GOLM1: variants seen among roughly 807,000 people sequenced by gnomAD.
GOLM1 encodes epididymis luminal protein 46.
A neutral mutation model predicts 50.5 loss-of-function variants in GOLM1; 31 were observed. The observed-to-expected ratio is 0.61, with a 90% CI of 0.46 to 0.83. GOLM1 has a LOEUF of 0.83. Among genes scored for constraint, GOLM1 ranks in the 40% least tolerant of loss-of-function variants. The pLI is 0.00. For synonymous variants in GOLM1, 178 were observed against 192.8 expected, an observed-to-expected ratio of 0.92 and a Z score of 0.64; for missense variants, 491 against 501.3, an observed-to-expected ratio of 0.98 and a Z score of 0.20.
chr9:86,040,613 A>T (rs1833310255), intron 6 of GOLM1, 126 bp downstream of exon 6: 1 of 838,550 alleles, frequency 1.2e-6, no homozygotes, highest in East Asian at 2.6e-5. Flanking sequence ...GCTCTGTTAT[A>T]TCTCAGGGAG....
At chr9:86,074,951 C>T (rs1450628317) in intron 3 of GOLM1, among the ~76,000 whole-genome samples, 1 of 152,154 alleles carries the variant, frequency 6.6e-6, no homozygotes, top group Non-Finnish European at 1.5e-5. Flanking sequence ...TGTGGGTGTC[C>T]TTCAAAATCC....
chr9:86,096,486 T>C (rs1047779236), intron 1 of GOLM1, among the ~76,000 whole-genome samples: 2 of 152,182 alleles, frequency 1.3e-5, no homozygotes, highest in Non-Finnish European at 2.9e-5. Flanking sequence ...CCTTGGAATT[T>C]GTCAGAAATG....
intron 3 of GOLM1, among the ~76,000 whole-genome samples, chr9:86,074,257 A>T (rs1834540250): frequency 6.7e-6 from 1 of 148,282 alleles, no homozygotes; most frequent in Non-Finnish European, 1.5e-5. Context: ...AAAAAAAAAG[A>T]CAGACAATGT....
chr9:86,064,408 T>G (rs956960916), intron 3 of GOLM1, among the ~76,000 whole-genome samples: 6 of 152,190 alleles, frequency 3.9e-5, no homozygotes, highest in Non-Finnish European at 8.8e-5. Context: ...CGGGGCCTGT[T>G]GATCCCTCCT....
At chr9:86,073,734 C>A (rs1834523850) in intron 3 of GOLM1, among the ~76,000 whole-genome samples, 1 of 152,228 alleles carries the variant, frequency 6.6e-6, no homozygotes, top group South Asian at 2.1e-4. Flanking sequence ...GCCAACCACA[C>A]AAACCCGTGC....
At chr9:86,074,057 G>C (rs1255672708) in intron 3 of GOLM1, among the ~76,000 whole-genome samples, 2 of 152,168 alleles carry the variant, frequency 1.3e-5, no homozygotes, top group African/African-American at 4.8e-5. Context: ...CTTGAGGTGA[G>C]GAACGCTGGC....
intron 4 of GOLM1, among the ~76,000 whole-genome samples, chr9:86,047,194 A>C (rs1833575765): frequency 6.6e-6 from 1 of 152,154 alleles, no homozygotes; most frequent in African/African-American, 2.4e-5. Flanking sequence ...TGCCCTGATG[A>C]CTTGGCTCAT....
intron 7 of GOLM1, among the ~76,000 whole-genome samples, chr9:86,035,964 C>T (rs562243989): frequency 6.6e-6 from 1 of 151,652 alleles, no homozygotes; most frequent in East Asian, 2.0e-4. Flanking sequence ...ACCTGATCAT[C>T]GGGTCCGCTG....
chr9:86,027,124 T>TAAAG lies in GOLM1; in HGVS notation c.*689_*692dup, dbSNP rs142225824. The stretch of plus-strand genomic sequence containing the variant: ...TTGCCCACACACGAAGCAAAGTAAA[T>TAAAG]AAAGACCACAAATGTTCAAATTCTA... On this transcript the variant is annotated 3_prime_UTR_variant, in exon 10 of 10. Transcript: ENST00000388712. 8,918 of 985,302 alleles carry TAAAG rather than the reference T, an allele frequency of 9.1e-3. 757 individuals carry two copies. The East Asian group carries it at 0.37, about 41-fold the overall frequency. 61.0% of individuals were successfully genotyped at this position (985,302 alleles called of 1,614,324 possible).
chr9:86,066,226 G>A lies in GOLM1; in HGVS notation c.309+11186C>T, dbSNP rs115324119. On this transcript the variant is annotated intron_variant, in intron 3 of 9. Transcript: ENST00000388712. ...CCAGGCTCAGAAGACACTCAAGAAC[G>A]CACTCCATGAACCAGCTCTTTACAA... is the stretch of plus-strand genomic sequence containing the variant. Among the ~76,000 whole-genome samples the A allele has an allele frequency of 6.2e-3, 948 of 152,194 alleles. 7 individuals are homozygous for A. Among genetic ancestry groups the A allele is most frequent in the African/African-American group, 0.022 (913 of 41,514 alleles).
At chr9:86,097,814 T>C (rs554493436) in intron 1 of GOLM1, among the ~76,000 whole-genome samples, 2 of 152,114 alleles carry the variant, frequency 1.3e-5, no homozygotes, top group Non-Finnish European at 2.9e-5. Context: ...GCCATATATA[T>C]ATAAACCCGG....
rs554703821 is a variant in GOLM1, at chr9:86,084,136, T to C, written c.-21-4795A>G. On this transcript the variant is annotated intron_variant, in intron 1 of 9. Transcript: ENST00000388712. ...CTTACTGTTGTGAGGCACTGCTCAA[T>C]ACAGGGGCTCGTATCAGCTTTGGGG... Among the ~76,000 whole-genome samples the C allele has an allele frequency of 1.6e-3, 250 of 152,330 alleles. 1 individual carries two copies. Among genetic ancestry groups the C allele is most frequent in the African/African-American group, 5.8e-3 (242 of 41,576 alleles).
chr9:86,050,495 A>G (rs1302463186), intron 4 of GOLM1, among the ~76,000 whole-genome samples: 3 of 151,970 alleles, frequency 2.0e-5, no homozygotes, highest in Admixed American at 2.0e-4. Context: ...CTGGTCCTGG[A>G]CTTTTTTTGG....
At chr9:86,095,048 T>C (rs1835312344) in intron 1 of GOLM1, among the ~76,000 whole-genome samples, 1 of 142,874 alleles carries the variant, frequency 7.0e-6, no homozygotes, top group South Asian at 2.2e-4. Context: ...GTGCCATTGC[T>C]CTCCAGCCTG....
chr9:86,096,356 G>A (rs947094061), intron 1 of GOLM1, among the ~76,000 whole-genome samples: 1 of 152,182 alleles, frequency 6.6e-6, no homozygotes, highest in Non-Finnish European at 1.5e-5. Context: ...TTGTGACAGG[G>A]ACCACAGGGT....
In GOLM1 at chr9:86,026,504, C is replaced by G; in HGVS notation, c.*1313G>C. The G allele has an allele frequency of 1.1e-6, 1 of 887,368 alleles. No individual in the cohort carries two copies. The highest frequency in any genetic ancestry group is 1.8e-5 in the African/African-American group (1 of 55,472). The allele number at this position is 887,368 out of a possible 1,614,324, so 55.0% of individuals were successfully genotyped here. ...GGGGTGCCAGCGCACCAGCTAGATG[C>G]TCTGTAACTTCTAGGCCCCATTTTC... On this transcript the variant is annotated 3_prime_UTR_variant, in exon 10 of 10. Coordinates refer to ENST00000388712, the MANE Select transcript of GOLM1 (RefSeq NM_016548.4).
rs780742391 is a variant in GOLM1, at chr9:86,077,477, C to T, written c.244G>A (p.Asp82Asn). The T allele has an allele frequency of 6.2e-7, 1 of 1,614,138 alleles. No individual in the cohort carries two copies. Among genetic ancestry groups the T allele is most frequent in the Non-Finnish European group, 8.5e-7 (1 of 1,179,958 alleles). ...AAGTTGTGGCTGGACTGGATTTTGT[C>T]AAGCTGCTCCCGCTGCTTCTCCAGC... ...GELEKQREQL[D>N]KIQSSHNFQL... Residue 82 changes from aspartate to asparagine, a missense_variant, in exon 3 of 10, where the codon GAC (aspartate) becomes AAC (asparagine). Physicochemically the swap from Asp to Asn is conservative, Grantham distance 23 (BLOSUM62 1). Transcript: ENST00000388712.
chr9:86,072,130 A>C (rs1194572938), intron 3 of GOLM1, among the ~76,000 whole-genome samples: 1 of 152,228 alleles, frequency 6.6e-6, no homozygotes, highest in Non-Finnish European at 1.5e-5. Context: ...GAACGTGTAT[A>C]GTAATAGTTC....
intron 3 of GOLM1, among the ~76,000 whole-genome samples, chr9:86,054,160 T>C (rs997291325): frequency 6.6e-6 from 1 of 151,842 alleles, no homozygotes; most frequent in African/African-American, 2.4e-5. Context: ...AAGTGAAAAG[T>C]AGGAAGAATG....
Sources: allele counts gnomAD v4.1 joint callset (sites outside exome capture counted in the v4.1 genomes callset), GRCh38; gene constraint gnomAD v4.1.1; transcripts MANE v1.5; gene names NCBI Gene and HGNC (gene_info 2026-07-23, HGNC 2026-07-21).